Variants in KCNH8 observed in about 807,000 individuals in gnomAD.
The protein encoded by KCNH8 is potassium voltage-gated channel subfamily H member 8, also known as voltage-gated delayed rectifier potassium channel KCNH8.
Under a neutral mutation model 103.6 loss-of-function variants are expected in KCNH8, and 70 were observed. That is an observed-to-expected ratio of 0.68 (90% CI 0.56 to 0.82). The LOEUF (loss-of-function observed/expected upper bound fraction) is 0.82. Among genes scored for constraint, KCNH8 ranks in the 40% least tolerant of loss-of-function variants. The pLI is 0.00. For missense variants in KCNH8, 1,217 were observed against 1,329.9 expected, an observed-to-expected ratio of 0.92 and a Z score of 1.32; for synonymous variants, 498 against 489.4, an observed-to-expected ratio of 1.02 and a Z score of -0.23.
intron 7 of KCNH8, among the ~76,000 whole-genome samples, chr3:19,423,525 A>T (rs1323119686): frequency 6.6e-6 from 1 of 151,868 alleles, no homozygotes; most frequent in African/African-American, 2.4e-5. Context: ...AACATACAGT[A>T]TTTCATTTTC....
intron 3 of KCNH8, among the ~76,000 whole-genome samples, chr3:19,283,682 C>A (rs2064787911): frequency 6.6e-6 from 1 of 151,386 alleles, no homozygotes; most frequent in African/African-American, 2.4e-5. Flanking sequence ...TCTAGGAGGC[C>A]AAGGCAGGAG....
At chr3:19,239,681 TCTAC>T (rs1237339782) in intron 1 of KCNH8, among the ~76,000 whole-genome samples, 107 of 138,582 alleles carry the variant, frequency 7.7e-4, no homozygotes, top group Middle Eastern at 3.9e-3. Context: ...TATCTATCTA[TCTAC>T]CTACCTACCT....
chr3:19,468,058 G>C (rs2067780131), intron 11 of KCNH8, among the ~76,000 whole-genome samples: 1 of 152,104 alleles, frequency 6.6e-6, no homozygotes, highest in Non-Finnish European at 1.5e-5. Flanking sequence ...CTGCTCTGGA[G>C]TTTGCCCTCT....
In KCNH8 at chr3:19,162,601, CTT is replaced by C. The variant is rs1437471581; in HGVS notation, c.76+13807_76+13808del. 2.6e-5 allele frequency among the ~76,000 whole-genome samples: 4 copies of C among 151,952 alleles called. No individual in the cohort carries two copies. The East Asian group carries it at 5.8e-4, about 22-fold the overall frequency. On this transcript the variant is annotated intron_variant, in intron 1 of 15. Transcript: ENST00000328405. ...ATGAGAGCTCAAACTATTTACTAGA[CTT>C]AATATTAAAATGATTTAATTTTTCT...
At chr3:19,419,262 C>G (rs1006302924) in intron 7 of KCNH8, among the ~76,000 whole-genome samples, 6 of 141,002 alleles carry the variant, frequency 4.3e-5, no homozygotes, top group Non-Finnish European at 9.1e-5. Flanking sequence ...TGCAGTGGCG[C>G]GATCTCGGCT....
At chr3:19,207,104 G>T (rs1475167504) in intron 1 of KCNH8, among the ~76,000 whole-genome samples, 1 of 151,738 alleles carries the variant, frequency 6.6e-6, no homozygotes, top group Non-Finnish European at 1.5e-5. Flanking sequence ...AAGGAAGGAG[G>T]TGTGTAGAAA....
intron 1 of KCNH8, among the ~76,000 whole-genome samples, chr3:19,152,191 G>A (rs187105182): frequency 2.6e-5 from 4 of 151,800 alleles, no homozygotes; most frequent in African/African-American, 9.7e-5. Flanking sequence ...AATCTTTTCT[G>A]TTTAGACTTT....
intron 8 of KCNH8, among the ~76,000 whole-genome samples, chr3:19,438,869 A>C (rs1012788020): frequency 2.6e-5 from 4 of 152,168 alleles, no homozygotes; most frequent in African/African-American, 9.7e-5. Context: ...CAGTTTCTTC[A>C]TCTTTCAAAT....
chr3:19,244,940 A>G (rs1470361137), intron 1 of KCNH8, among the ~76,000 whole-genome samples: 4 of 152,000 alleles, frequency 2.6e-5, no homozygotes, highest in Admixed American at 6.6e-5. Context: ...TTATTTTGCT[A>G]TGGAAAAGCT....
At position 19,209,457 on chromosome 3, in the gene KCNH8, T is replaced by A. The variant is rs187322090; in HGVS notation, c.77-44197T>A. Reference sequence around the variant, plus strand: ...ATTTAAGAAAATACTTGGATCATTTTAAAATGAAGTAGGTTCTTCTAAACA... The same window carrying A: ...ATTTAAGAAAATACTTGGATCATTTAAAAATGAAGTAGGTTCTTCTAAACA... On this transcript the variant is annotated intron_variant, in intron 1 of 15. Coordinates refer to ENST00000328405, the MANE Select transcript of KCNH8 (RefSeq NM_144633.3). 4.4e-3 allele frequency among the ~76,000 whole-genome samples: 665 copies of A among 152,216 alleles called. 2 individuals carry two copies. The highest frequency in any genetic ancestry group is 0.015 in the African/African-American group (625 of 41,570).
chr3:19,337,856 A>G (rs2065604748), intron 3 of KCNH8, among the ~76,000 whole-genome samples: 1 of 151,974 alleles, frequency 6.6e-6, no homozygotes, highest in Admixed American at 6.6e-5. Context: ...TTCTCATGTC[A>G]TTTGAAAGTT....
At chr3:19,262,983 T>C (rs568845751) in intron 2 of KCNH8, among the ~76,000 whole-genome samples, 1 of 152,146 alleles carries the variant, frequency 6.6e-6, no homozygotes, top group Non-Finnish European at 1.5e-5. Flanking sequence ...CAATATTTTT[T>C]TATAAAGTTC....
At chr3:19,317,949 CA>C (rs1211242440) in intron 3 of KCNH8, among the ~76,000 whole-genome samples, 8 of 152,056 alleles carry the variant, frequency 5.3e-5, no homozygotes, top group Non-Finnish European at 8.8e-5. Flanking sequence ...CAATCCTGTT[CA>C]ACACAGTATT....
chr3:19,332,053 GT>G (rs11417836), intron 3 of KCNH8, among the ~76,000 whole-genome samples: 110 of 140,828 alleles, frequency 7.8e-4, no homozygotes, highest in South Asian at 1.2e-3. Context: ...CATTACGTTA[GT>G]TTTTTTTTTT....
At chr3:19,338,007 G>A (rs984732197) in intron 3 of KCNH8, among the ~76,000 whole-genome samples, 1 of 151,748 alleles carries the variant, frequency 6.6e-6, no homozygotes, top group Non-Finnish European at 1.5e-5. Context: ...GGCGGGGGGG[G>A]GAGAAAGAGG....
At chr3:19,407,197 T>C (rs1260174419) in intron 7 of KCNH8, among the ~76,000 whole-genome samples, 1 of 152,168 alleles carries the variant, frequency 6.6e-6, no homozygotes, top group East Asian at 1.9e-4. Context: ...TTAAAGATAA[T>C]ATTTACAACA....
At chr3:19,154,046 A>G (rs1486666607) in intron 1 of KCNH8, among the ~76,000 whole-genome samples, 1 of 152,232 alleles carries the variant, frequency 6.6e-6, no homozygotes, top group Non-Finnish European at 1.5e-5. Context: ...TGTAACATGC[A>G]CAAATTACTA....
intron 4 of KCNH8, among the ~76,000 whole-genome samples, chr3:19,344,737 C>G (rs2065706846): frequency 1.3e-5 from 2 of 152,086 alleles, no homozygotes; most frequent in South Asian, 4.1e-4. Flanking sequence ...GAAATTCTGG[C>G]TGTAATAACA....
chr3:19,476,372 T>C (rs1439089336), intron 11 of KCNH8, among the ~76,000 whole-genome samples: 1 of 152,184 alleles, frequency 6.6e-6, no homozygotes, highest in Non-Finnish European at 1.5e-5. Flanking sequence ...CAGGGAGTTG[T>C]GATGCGCAAA....
Sources: allele counts gnomAD v4.1 joint callset (sites outside exome capture counted in the v4.1 genomes callset), GRCh38; gene constraint gnomAD v4.1.1; transcripts MANE v1.5; gene names NCBI Gene and HGNC (gene_info 2026-07-23, HGNC 2026-07-21).